AK7: variants seen among roughly 807,000 people sequenced by gnomAD.
AK7 encodes ATP-AMP transphosphorylase 7.
In AK7, 78 loss-of-function variants were observed where a neutral mutation model predicts 96.6. The ratio of observed to expected loss-of-function variants is 0.81; its 90% CI spans 0.67 to 0.97. The LOEUF is 0.97. AK7 is among the 50% of genes least tolerant of loss of function. The pLI is 0.00. For missense variants in AK7, 855 were observed against 887.9 expected, an observed-to-expected ratio of 0.96 and a Z score of 0.47; for synonymous variants, 302 against 317.2, an observed-to-expected ratio of 0.95 and a Z score of 0.51.
intron 3 of AK7, among the ~76,000 whole-genome samples, chr14:96,407,401 G>T (rs376115415): frequency 2.0e-5 from 3 of 152,012 alleles, no homozygotes; most frequent in African/African-American, 7.2e-5. Flanking sequence ...ACGCTTTCTC[G>T]TTTTAGGGTA....
In AK7 at chr14:96,449,892, G is replaced by A. The variant is rs763400010; in HGVS notation, c.948+13G>A. On this transcript the variant is annotated intron_variant, in intron 9 of 17. Transcript: ENST00000267584. Reference sequence around the variant, plus strand: ...CAAGGACTTAACGGTTAGTATATGCGGTGTTTTTTTTTTTTTAACTATCTT... The same window carrying A: ...CAAGGACTTAACGGTTAGTATATGCAGTGTTTTTTTTTTTTTAACTATCTT... 4.9e-6 allele frequency: 7 copies of A among 1,438,886 alleles called. No homozygotes were observed. Among genetic ancestry groups the A allele is most frequent in the African/African-American group, 5.2e-5 (2 of 38,156 alleles). The allele number at this position is 1,438,886 out of a possible 1,614,324, so 89.1% of individuals were successfully genotyped here. A position where few individuals can be genotyped will look rare whatever the true frequency, so the allele number is the denominator to read the frequency against.
rs535190449 is a variant in AK7 at position 96,469,917 on chromosome 14, A to G, written c.1358-1561A>G. Reference sequence around the variant, plus strand: ...ACTGCAACCTCCGCCTCCCGGGTTCAAGCGATTCTCCTGCCTTAGCCTCTC... The same window carrying G: ...ACTGCAACCTCCGCCTCCCGGGTTCGAGCGATTCTCCTGCCTTAGCCTCTC... On this transcript the variant is annotated intron_variant, in intron 12 of 17. Transcript: ENST00000267584. 7.9e-5 allele frequency among the ~76,000 whole-genome samples: 12 copies of G among 152,204 alleles called. No homozygotes were observed. The East Asian group carries it at 2.1e-3, about 27-fold the overall frequency.
chr14:96,398,072 C>T lies in AK7; in HGVS notation c.106-3C>T. On this transcript the variant is annotated splice_region_variant and splice_polypyrimidine_tract_variant and intron_variant, in intron 1 of 17. Transcript: ENST00000267584. ...CATTTGGGAAATTTCTGTTTCCTTGCAGTTTCTATCTAACTGTGTAGTTGG... is the reference window on the plus strand; with the variant it reads ...CATTTGGGAAATTTCTGTTTCCTTGTAGTTTCTATCTAACTGTGTAGTTGG... 1.2e-6 allele frequency: 2 copies of T among 1,611,258 alleles called. No homozygotes were observed. Among genetic ancestry groups the T allele is most frequent in the Non-Finnish European group, 1.7e-6 (2 of 1,178,342 alleles).
intron 14 of AK7, 82 bp downstream of exon 14, chr14:96,472,837 T>G: frequency 8.3e-7 from 1 of 1,208,480 alleles, no homozygotes; most frequent in Non-Finnish European, 1.2e-6. Flanking sequence ...ATCTCAGAAC[T>G]TTGGGAGGCC....
At chr14:96,461,087 G>A (rs979899656) in intron 12 of AK7, among the ~76,000 whole-genome samples, 4 of 152,236 alleles carry the variant, frequency 2.6e-5, no homozygotes, top group African/African-American at 9.6e-5. Flanking sequence ...GGAAAGGAGT[G>A]CCCAGATGAA....
intron 8 of AK7, among the ~76,000 whole-genome samples, chr14:96,448,835 A>C (rs916712055): frequency 1.3e-5 from 2 of 151,918 alleles, no homozygotes; most frequent in African/African-American, 4.8e-5. Flanking sequence ...GCACGCCTAT[A>C]ATGCCAGCTA....
intron 15 of AK7, 23 bp from the exon 16 acceptor site, chr14:96,482,976 G>A: frequency 1.2e-6 from 2 of 1,611,412 alleles, no homozygotes; most frequent in East Asian, 2.2e-5. Context: ...AGTATGTGTT[G>A]ATCTCTCTCC....
intron 5 of AK7, among the ~76,000 whole-genome samples, chr14:96,428,711 C>CA (rs1478703276): frequency 2.0e-5 from 3 of 152,136 alleles, no homozygotes; most frequent in African/African-American, 7.2e-5. Context: ...CTCTGATGGC[C>CA]AGTGATGATG....
intron 12 of AK7, 63 bp downstream of exon 12, chr14:96,458,275 G>T: frequency 2.5e-6 from 4 of 1,569,158 alleles, no homozygotes; most frequent in Non-Finnish European, 3.4e-6. Context: ...TTAAAAATCT[G>T]GTTATAAAAG....
chr14:96,405,913 T>G (rs1890683587), intron 3 of AK7, among the ~76,000 whole-genome samples: 1 of 152,162 alleles, frequency 6.6e-6, no homozygotes, highest in Non-Finnish European at 1.5e-5. Flanking sequence ...CAACCTCTTT[T>G]TTTGTTTTGA....
At chr14:96,454,887 A>C (rs1370081634) in intron 10 of AK7, among the ~76,000 whole-genome samples, 1 of 152,162 alleles carries the variant, frequency 6.6e-6, no homozygotes, top group East Asian at 1.9e-4. Flanking sequence ...ATAATTGGCC[A>C]GGTGCGATGG....
intron 12 of AK7, among the ~76,000 whole-genome samples, chr14:96,462,302 C>G (rs1206210802): frequency 6.6e-6 from 1 of 152,208 alleles, no homozygotes; most frequent in East Asian, 1.9e-4. Flanking sequence ...TTCCTTTTAA[C>G]TTTCTCAAGT....
At chr14:96,465,380 G>A (rs1894503757) in intron 12 of AK7, among the ~76,000 whole-genome samples, 1 of 151,718 alleles carries the variant, frequency 6.6e-6, no homozygotes, top group Non-Finnish European at 1.5e-5. Context: ...GGAGAATGGC[G>A]TGAACCCGGG....
intron 1 of AK7, among the ~76,000 whole-genome samples, chr14:96,393,338 C>T (rs952727823): frequency 1.6e-4 from 25 of 152,206 alleles, no homozygotes; most frequent in African/African-American, 5.8e-4. Context: ...TAGGATGAGG[C>T]TACAGTACGT....
At chr14:96,438,054 A>G in intron 6 of AK7, 139 bp downstream of exon 6, 1 of 592,796 alleles carries the variant, frequency 1.7e-6, no homozygotes, top group Non-Finnish European at 2.9e-6. Context: ...GGATGTCACC[A>G]CAAAGACCTA....
chr14:96,470,251 C>T (rs544523541), intron 12 of AK7, among the ~76,000 whole-genome samples: 32 of 148,830 alleles, frequency 2.2e-4, no homozygotes, highest in Admixed American at 5.4e-4. Flanking sequence ...GATGAGAAGG[C>T]GGAGAAGGAT....
At chr14:96,460,348 C>T (rs1447775325) in intron 12 of AK7, among the ~76,000 whole-genome samples, 1 of 152,214 alleles carries the variant, frequency 6.6e-6, no homozygotes. Context: ...GTCTTCTCAA[C>T]CACCTTTATT....
chr14:96,488,314 C>T lies in AK7; in HGVS notation c.2143C>T (p.Leu715Phe), dbSNP rs754841538. 5.0e-6 allele frequency: 8 copies of T among 1,611,698 alleles called. No homozygotes were observed. The South Asian group carries it at 8.8e-5, about 18-fold the overall frequency. Residue 715 changes from leucine (L) to phenylalanine (F), a missense_variant, in exon 18 of 18, where the codon CTC (leucine) becomes TTC (phenylalanine). Physicochemically the swap from Leu to Phe is conservative, Grantham distance 22. Coordinates refer to ENST00000267584, the MANE Select transcript of AK7 (RefSeq NM_152327.5). ...TTTTTTTAAATTGTAGGCAGAATATCTCTTCAAGAACAATCCTGAAGCACA... is the reference window on the plus strand; with the variant it reads ...TTTTTTTAAATTGTAGGCAGAATATTTCTTCAAGAACAATCCTGAAGCACA... Reference protein sequence around the residue: ...EDPVDFLAEYLFKNNPEAQ With the variant: ...EDPVDFLAEYFFKNNPEAQ
Position 96,419,776 on chromosome 14 carries a change from T to TTTTC in AK7, c.499-1038_499-1035dup, listed in dbSNP as rs1445607495. Among the ~76,000 whole-genome samples, 469 of 139,786 alleles carry TTTTC rather than the reference T, an allele frequency of 3.4e-3. 6 individuals are homozygous for TTTTC. Among genetic ancestry groups the TTTTC allele is most frequent in the African/African-American group, 0.013 (435 of 34,378 alleles). The allele number at this position is 139,786 out of a possible 152,430, so 91.7% of individuals were successfully genotyped here. The stretch of plus-strand genomic sequence containing the variant: ...AAAATTTGTCTCCTAAAGCATTTTT[T>TTTTC]TTTCTTTCTTTTCTTTTTTTTTTTT... On this transcript the variant is annotated intron_variant, in intron 4 of 17. Transcript: ENST00000267584.
Sources: allele counts gnomAD v4.1 joint callset (sites outside exome capture counted in the v4.1 genomes callset), GRCh38; gene constraint gnomAD v4.1.1; transcripts MANE v1.5; gene names NCBI Gene and HGNC (gene_info 2026-07-23, HGNC 2026-07-21).